The following NEK10 variants were observed in gnomAD, a reference collection of about 807,000 sequenced individuals.
NEK10 encodes NIMA related kinase 10, also known as serine/threonine-protein kinase Nek10.
In NEK10, 122 loss-of-function variants were observed where a neutral mutation model predicts 159.8. The ratio of observed to expected loss-of-function variants is 0.76; its 90% CI spans 0.66 to 0.89. The LOEUF is 0.89. Among genes scored for constraint, NEK10 ranks in the 40% least tolerant of loss-of-function variants. The pLI is 0.00. For synonymous variants in NEK10, 466 were observed against 457.1 expected, an observed-to-expected ratio of 1.02 and a Z score of -0.25; for missense variants, 1,342 against 1,323.1, an observed-to-expected ratio of 1.01 and a Z score of -0.22.
intron 22 of NEK10, among the ~76,000 whole-genome samples, chr3:27,257,953 TA>T (rs1956387254): frequency 6.6e-6 from 1 of 151,842 alleles, no homozygotes; most frequent in African/African-American, 2.4e-5. Flanking sequence ...CACGTCCAGC[TA>T]ATTTTTTTAT....
intron 23 of NEK10, among the ~76,000 whole-genome samples, chr3:27,247,543 T>A (rs1350116259): frequency 6.6e-6 from 1 of 152,090 alleles, no homozygotes; most frequent in Non-Finnish European, 1.5e-5. Context: ...TTATTTTATT[T>A]TATTTTATTT....
chr3:27,339,227 T>A (rs2047028690), intron 5 of NEK10, among the ~76,000 whole-genome samples: 1 of 152,214 alleles, frequency 6.6e-6, no homozygotes, highest in Non-Finnish European at 1.5e-5. Context: ...TTGTTGCAAC[T>A]ACTTTTCGTG....
intron 4 of NEK10, among the ~76,000 whole-genome samples, chr3:27,344,675 T>A (rs940311658): frequency 6.6e-6 from 1 of 152,182 alleles, no homozygotes; most frequent in Non-Finnish European, 1.5e-5. Flanking sequence ...TGGCTAAAAT[T>A]GGTTGGAGGG....
chr3:27,293,476 G>T, intron 16 of NEK10, 112 bp downstream of exon 16: 2 of 551,282 alleles, frequency 3.6e-6, no homozygotes, highest in Non-Finnish European at 6.4e-6. Flanking sequence ...CACATGGTTT[G>T]CATACTGACG....
chr3:27,358,372 C>T (rs530053226), intron 1 of NEK10, among the ~76,000 whole-genome samples: 4 of 152,276 alleles, frequency 2.6e-5, no homozygotes, highest in Non-Finnish European at 2.9e-5. Flanking sequence ...GGGTTTGGTG[C>T]GTACAGCCCT....
chr3:27,358,561 C>T (rs1406629542), intron 1 of NEK10, among the ~76,000 whole-genome samples: 1 of 152,154 alleles, frequency 6.6e-6, no homozygotes, highest in Admixed American at 6.5e-5. Context: ...GCTGAGTAAA[C>T]ACATGTGACA....
intron 23 of NEK10, among the ~76,000 whole-genome samples, chr3:27,237,415 G>A (rs952638490): frequency 1.6e-4 from 24 of 152,300 alleles, no homozygotes; most frequent in Non-Finnish European, 3.2e-4. Flanking sequence ...CACAATTTAT[G>A]TTCAGAGATT....
chr3:27,248,344 T>A (rs989418117), intron 23 of NEK10, among the ~76,000 whole-genome samples: 3 of 152,140 alleles, frequency 2.0e-5, no homozygotes, highest in Admixed American at 2.0e-4. Context: ...TGTATTGTTT[T>A]CTTCATTTCC....
intron 7 of NEK10, among the ~76,000 whole-genome samples, chr3:27,313,343 A>G (rs955206560): frequency 6.6e-6 from 1 of 152,196 alleles, no homozygotes; most frequent in African/African-American, 2.4e-5. Flanking sequence ...GTTGCTCAGT[A>G]TATATATTCA....
intron 30 of NEK10, among the ~76,000 whole-genome samples, chr3:27,143,277 A>G (rs1327346522): frequency 6.6e-6 from 1 of 152,168 alleles, no homozygotes; most frequent in Admixed American, 6.5e-5. Context: ...GAAAATGGAG[A>G]GCTTGATTTT....
chr3:27,348,290 A>T (rs1382376987), intron 3 of NEK10, among the ~76,000 whole-genome samples: 1 of 152,172 alleles, frequency 6.6e-6, no homozygotes, highest in Admixed American at 6.5e-5. Context: ...CAGCACAGAG[A>T]AAGCAAGCCC....
chr3:27,137,672 C>G (rs1943361080), intron 31 of NEK10, among the ~76,000 whole-genome samples: 1 of 152,170 alleles, frequency 6.6e-6, no homozygotes, highest in African/African-American at 2.4e-5. Context: ...TTAGACAATT[C>G]TGTGGTTGCC....
chr3:27,142,621 C>G (rs1943898105), intron 30 of NEK10, among the ~76,000 whole-genome samples: 1 of 151,994 alleles, frequency 6.6e-6, no homozygotes, highest in Non-Finnish European at 1.5e-5. Context: ...AACAGCTAAA[C>G]ATCTTTAAAA....
rs747331151 is a variant in NEK10 at position 27,119,838 on chromosome 3, G to T, written c.3112C>A (p.Pro1038Thr). The change falls in exon 33 of 36, where the codon CCC (proline) becomes ACC (threonine). Residue 1038 changes from proline to threonine, a missense_variant. Coordinates refer to ENST00000691995, the MANE Select transcript of NEK10 (RefSeq NM_001394966.1). Reference sequence around the variant, plus strand: ...TGGTAATCTGCTGTGAAAAAGTTGGGCTCAATCGGTTCTGGAGATCCCTGA... The same window carrying T: ...TGGTAATCTGCTGTGAAAAAGTTGGTCTCAATCGGTTCTGGAGATCCCTGA... ...LSQGSPEPIE[P>T]NFFTADYHLL... 1.2e-6 allele frequency: 2 copies of T among 1,613,888 alleles called. No individual in the cohort carries two copies. The highest frequency in any genetic ancestry group is 1.7e-4 in the Middle Eastern group (1 of 6,058).
At chr3:27,179,401 A>C (rs1257990855) in intron 26 of NEK10, among the ~76,000 whole-genome samples, 2 of 152,232 alleles carry the variant, frequency 1.3e-5, no homozygotes. Flanking sequence ...GCTGTGATTA[A>C]ATTAAATAAA....
At chr3:27,223,471 C>T (rs796958638) in intron 23 of NEK10, among the ~76,000 whole-genome samples, 52 of 152,324 alleles carry the variant, frequency 3.4e-4, no homozygotes, top group African/African-American at 8.9e-4. Flanking sequence ...TTTACATGGA[C>T]GCATATGAAA....
chr3:27,364,697 T>C (rs1238765318), intron 1 of NEK10, among the ~76,000 whole-genome samples: 24 of 152,222 alleles, frequency 1.6e-4, no homozygotes, highest in Admixed American at 1.6e-3. Flanking sequence ...AGTATATTCA[T>C]TTAATCCTCA....
rs1950487934 is a variant in NEK10, at chr3:27,205,709, A to T, written c.2091-3152T>A. 2.3e-5 allele frequency among the ~76,000 whole-genome samples: 3 copies of T among 133,026 alleles called. No homozygotes were observed. The Admixed American group carries it at 2.4e-4, about 10-fold the overall frequency. The allele number at this position is 133,026 out of a possible 152,430, so 87.3% of individuals were successfully genotyped here. ...TTACACCTTATACAAAAATCAATTC[A>T]AGATGGATTAAAGATTTAAACGTTA... On this transcript the variant is annotated intron_variant, in intron 23 of 35. Coordinates refer to ENST00000691995, the MANE Select transcript of NEK10 (RefSeq NM_001394966.1).
chr3:27,230,963 A>G (rs1953191870), intron 23 of NEK10, among the ~76,000 whole-genome samples: 1 of 151,982 alleles, frequency 6.6e-6, no homozygotes, highest in African/African-American at 2.4e-5. Context: ...ATCAAGACAG[A>G]ATGTCAACAA....
Sources: allele counts gnomAD v4.1 joint callset (sites outside exome capture counted in the v4.1 genomes callset), GRCh38; gene constraint gnomAD v4.1.1; transcripts MANE v1.5; gene names NCBI Gene and HGNC (gene_info 2026-07-23, HGNC 2026-07-21).